The following PTH2R variants were observed in gnomAD, a reference collection of about 807,000 sequenced individuals.
PTH2R encodes parathyroid hormone 2 receptor.
PTH2R carries 59 observed loss-of-function variants against 60.3 expected under a neutral mutation model. That is an observed-to-expected ratio of 0.98 (90% CI 0.79 to 1.22). The LOEUF is 1.22. PTH2R is among the 50% of genes most tolerant of loss of function. The probability of loss-of-function intolerance (pLI) is 0.00; values close to 1 mark genes in which losing one functional copy is unlikely to be tolerated. For missense variants in PTH2R, 749 were observed against 682.6 expected (o/e 1.10, Z -1.08); for synonymous variants, 256 against 243.8 (o/e 1.05, Z -0.47).
rs1702593199 is a variant in PTH2R, at chr2:208,459,707, A to G, written c.915-188A>G. ...TCATCTTCAAGGGGTAGCTAATAATATGAAAATCAATACCCGTTACACTTT... is the reference window on the plus strand; with the variant it reads ...TCATCTTCAAGGGGTAGCTAATAATGTGAAAATCAATACCCGTTACACTTT... On this transcript the variant is annotated intron_variant, in intron 8 of 12. Transcript: ENST00000272847. Among the ~76,000 whole-genome samples, 4 of 152,310 alleles carry G rather than the reference A, an allele frequency of 2.6e-5. No individual in the cohort carries two copies. In the South Asian group the frequency reaches 6.2e-4, roughly 24 times the overall value.
intron 6 of PTH2R, 46 bp from the exon 7 acceptor site, chr2:208,444,688 C>A: frequency 6.3e-7 from 1 of 1,575,432 alleles, no homozygotes; most frequent in Middle Eastern, 1.7e-4. Context: ...GCATCCAGTA[C>A]AACAAAGTGT....
At chr2:208,472,256 T>A (rs1702898955) in intron 9 of PTH2R, among the ~76,000 whole-genome samples, 1 of 151,992 alleles carries the variant, frequency 6.6e-6, no homozygotes, top group Non-Finnish European at 1.5e-5. Context: ...GGACATGAGA[T>A]TTGGGAGAGT....
chr2:208,408,731 A>AGAGG (rs1701473416), intron 1 of PTH2R, among the ~76,000 whole-genome samples: 1 of 55,478 alleles, frequency 1.8e-5, no homozygotes, highest in Non-Finnish European at 5.7e-5. Flanking sequence ...AAAGAGAGAG[A>AGAGG]GAGAGAGAAA....
At chr2:208,443,869 C>T (rs1422598461) in intron 6 of PTH2R, among the ~76,000 whole-genome samples, 2 of 152,130 alleles carry the variant, frequency 1.3e-5, no homozygotes, top group African/African-American at 4.8e-5. Context: ...ATCAGCAAAA[C>T]CAGAAGCTTG....
intron 7 of PTH2R, among the ~76,000 whole-genome samples, chr2:208,449,071 A>C (rs1324599706): frequency 1.3e-5 from 2 of 152,194 alleles, no homozygotes; most frequent in African/African-American, 4.8e-5. Context: ...ATGCAGATAT[A>C]AGAATGATAA....
At chr2:208,486,063 C>T (rs1703267048) in intron 10 of PTH2R, among the ~76,000 whole-genome samples, 1 of 152,156 alleles carries the variant, frequency 6.6e-6, no homozygotes. Context: ...CCTGAATGAA[C>T]TTAGAAGTGA....
intron 4 of PTH2R, among the ~76,000 whole-genome samples, 155 bp downstream of exon 4, chr2:208,438,036 A>T (rs528254532): frequency 5.8e-4 from 88 of 152,364 alleles, no homozygotes; most frequent in Non-Finnish European, 1.1e-3. Context: ...TTTCAGATGC[A>T]TATCAATCAT....
intron 10 of PTH2R, among the ~76,000 whole-genome samples, chr2:208,487,623 A>G (rs7421335): frequency 6.6e-6 from 1 of 152,148 alleles, no homozygotes; most frequent in African/African-American, 2.4e-5. Context: ...CTCCCTTGCT[A>G]TTTCCCAGTT....
At position 208,468,616 on chromosome 2, in the gene PTH2R, C is replaced by G. The variant is rs571495006; in HGVS notation, c.981+8655C>G. Among the ~76,000 whole-genome samples, 7 of 152,314 alleles carry G rather than the reference C, an allele frequency of 4.6e-5. No homozygotes were observed. The East Asian group carries it at 7.7e-4, about 17-fold the overall frequency. On this transcript the variant is annotated intron_variant, in intron 9 of 12. Coordinates refer to ENST00000272847, the MANE Select transcript of PTH2R (RefSeq NM_005048.4). ...GGGCTGTTCTACATGCCCCACTGTA[C>G]TTTTAGAAGGTTGGAATGTGCTTCC...
chr2:208,381,218 G>T (rs1374849365), intron 1 of PTH2R, among the ~76,000 whole-genome samples: 1 of 151,794 alleles, frequency 6.6e-6, no homozygotes, highest in African/African-American at 2.4e-5. Flanking sequence ...TTCAGCATGT[G>T]AATTCTGTTT....
chr2:208,482,435 G>A (rs1314415358), intron 10 of PTH2R, among the ~76,000 whole-genome samples: 2 of 152,138 alleles, frequency 1.3e-5, no homozygotes, highest in African/African-American at 2.4e-5. Context: ...GAGAGATTTA[G>A]GGTCGTTTGA....
intron 2 of PTH2R, among the ~76,000 whole-genome samples, chr2:208,429,026 G>C (rs141592393): frequency 6.6e-6 from 1 of 151,402 alleles, no homozygotes; most frequent in Admixed American, 6.6e-5. Context: ...TGGAGGTTGC[G>C]GTGAGCTGAG....
intron 1 of PTH2R, among the ~76,000 whole-genome samples, chr2:208,390,605 T>G (rs900507749): frequency 6.6e-6 from 1 of 152,246 alleles, no homozygotes; most frequent in Admixed American, 6.5e-5. Flanking sequence ...ACACTCATGT[T>G]TATTTTCTGT....
At chr2:208,410,886 C>T (rs143161150) in intron 1 of PTH2R, among the ~76,000 whole-genome samples, 75 of 152,188 alleles carry the variant, frequency 4.9e-4, no homozygotes, top group African/African-American at 1.5e-3. Context: ...TGCATCTCAA[C>T]GCATGTGTTA....
At chr2:208,397,306 A>T (rs74613249) in intron 1 of PTH2R, among the ~76,000 whole-genome samples, 42 of 146,908 alleles carry the variant, frequency 2.9e-4, no homozygotes, top group South Asian at 4.3e-4. Flanking sequence ...AAGTATAATT[A>T]AAAAAAAAAA....
At chr2:208,456,557 C>A (rs527399487) in intron 8 of PTH2R, among the ~76,000 whole-genome samples, 18 of 152,200 alleles carry the variant, frequency 1.2e-4, no homozygotes, top group African/African-American at 4.3e-4. Context: ...CAGCTTCTTT[C>A]GCTTCTTCTA....
intron 8 of PTH2R, among the ~76,000 whole-genome samples, chr2:208,455,457 A>G (rs902114928): frequency 6.6e-6 from 1 of 152,190 alleles, no homozygotes; most frequent in African/African-American, 2.4e-5. Context: ...ATATCATGTG[A>G]CCACCTTGCA....
At chr2:208,481,271 T>G (rs893902872) in intron 10 of PTH2R, 107 bp downstream of exon 10, 5 of 587,138 alleles carry the variant, frequency 8.5e-6, no homozygotes, top group Non-Finnish European at 1.4e-5. Context: ...CAGGCTGGAG[T>G]GCAATGGCAC....
At chr2:208,480,909 G>A (rs529186526) in intron 9 of PTH2R, among the ~76,000 whole-genome samples, 161 bp from the exon 10 acceptor site, 2 of 152,272 alleles carry the variant, frequency 1.3e-5, no homozygotes, top group South Asian at 4.1e-4. Context: ...GGTGAATCAA[G>A]AATCACTAGC....
Sources: gnomAD v4.1 joint callset for allele counts (sites outside exome capture counted in the v4.1 genomes callset) on GRCh38, gnomAD v4.1.1 for gene constraint, MANE v1.5 for transcripts, NCBI Gene and HGNC (gene_info 2026-07-23, HGNC 2026-07-21) for gene names.